DMRT1: variants seen among roughly 807,000 people sequenced by gnomAD.
The protein encoded by DMRT1 is doublesex and mab-3 related transcription factor 1.
A neutral mutation model predicts 32.3 loss-of-function variants in DMRT1; 7 were observed. That is an observed-to-expected ratio of 0.22 (90% CI 0.12 to 0.41). DMRT1 has a LOEUF of 0.41. DMRT1 is among the 10% of genes least tolerant of loss of function. The probability of loss-of-function intolerance (pLI) is 1.00; values close to 1 mark genes in which losing one functional copy is unlikely to be tolerated. For missense variants in DMRT1, 625 were observed against 500.5 expected, an observed-to-expected ratio of 1.25 and a Z score of -2.37; for synonymous variants, 278 against 206.1, an observed-to-expected ratio of 1.35 and a Z score of -2.99.
At chr9:958,645 G>A (rs1380087217) in intron 4 of DMRT1, among the ~76,000 whole-genome samples, 1 of 152,198 alleles carries the variant, frequency 6.6e-6, no homozygotes, top group Non-Finnish European at 1.5e-5. Context: ...GGGGGTTACA[G>A]GCGTGAGCCA....
chr9:889,808 G>T (rs1271043487), intron 2 of DMRT1, among the ~76,000 whole-genome samples: 2 of 152,138 alleles, frequency 1.3e-5, no homozygotes, highest in African/African-American at 2.4e-5. Context: ...TGAAAGGCAG[G>T]CCTTAAGTGG....
At chr9:849,147 G>A (rs1250892030) in intron 2 of DMRT1, among the ~76,000 whole-genome samples, 1 of 151,988 alleles carries the variant, frequency 6.6e-6, no homozygotes, top group African/African-American at 2.4e-5. Context: ...CTTAGTAAAT[G>A]GTAAGGAGAC....
chr9:942,431 A>G (rs1250084640), intron 4 of DMRT1, among the ~76,000 whole-genome samples: 11 of 151,934 alleles, frequency 7.2e-5, no homozygotes. Flanking sequence ...GTGCCACCAC[A>G]CCCAGCTAAT....
intron 2 of DMRT1, among the ~76,000 whole-genome samples, chr9:893,418 G>A (rs1333034777): frequency 6.6e-6 from 1 of 152,214 alleles, no homozygotes; most frequent in Non-Finnish European, 1.5e-5. Context: ...CCCCTGGTCC[G>A]CACCTTTGGC....
intron 2 of DMRT1, among the ~76,000 whole-genome samples, chr9:867,423 T>G (rs1477000478): frequency 2.0e-5 from 3 of 152,244 alleles, no homozygotes; most frequent in African/African-American, 7.2e-5. Flanking sequence ...TCTCAACTCT[T>G]TGGCATTATG....
chr9:930,298 CTCCTTGGCTCAAGTCATCTGAAT>C (rs371388104), intron 4 of DMRT1, among the ~76,000 whole-genome samples: 6,922 of 152,134 alleles, frequency 0.045, 392 homozygotes, highest in African/African-American at 0.14. Flanking sequence ...TAGCCTTGAA[CTCCTTGGCTCAAGTCATCTGAAT>C]TCCTTGGCTC....
rs1454978876 is a variant in DMRT1 at position 842,198 on chromosome 9, T to G, written c.354+6T>G. On this transcript the variant is annotated splice_donor_region_variant and intron_variant, in intron 1 of 4. Transcript: ENST00000382276. ...AGCGCGTGATGGCCGCGCAGGTGGG[T>G]GCGGGCGTGCGGGAGCCCGGGTTCA... The G allele has an allele frequency of 6.6e-7, 1 of 1,522,258 alleles. No individual in the cohort carries two copies. Among genetic ancestry groups the G allele is most frequent in the Non-Finnish European group, 8.8e-7 (1 of 1,140,118 alleles). 94.3% of individuals were successfully genotyped at this position (1,522,258 alleles called of 1,614,324 possible).
intron 1 of DMRT1, among the ~76,000 whole-genome samples, chr9:845,769 G>C (rs926482906): frequency 8.6e-6 from 1 of 116,336 alleles, no homozygotes; most frequent in Admixed American, 8.1e-5. Context: ...TTCCTAAGCA[G>C]ACCCTGCCTG....
In DMRT1 at chr9:968,255, GGTTTATATTCCTTAGAGTTTA is replaced by G. The variant is rs1473027909; in HGVS notation, c.*119_*139del. 1.9e-5 allele frequency: 25 copies of G among 1,318,136 alleles called. No individual in the cohort carries two copies. Among genetic ancestry groups the G allele is most frequent in the Admixed American group, 3.9e-5 (2 of 50,680 alleles). The allele number at this position is 1,318,136 out of a possible 1,614,324, so 81.7% of individuals were successfully genotyped here. The stretch of plus-strand genomic sequence containing the variant: ...TATCTTAACTGTTGAGAACGTATTT[GGTTTATATTCCTTAGAGTTTA>G]GTCCAGAGGCTGTAACACATTTGTA... On this transcript the variant is annotated 3_prime_UTR_variant, in exon 5 of 5. Coordinates refer to ENST00000382276, the MANE Select transcript of DMRT1 (RefSeq NM_021951.3).
intron 2 of DMRT1, among the ~76,000 whole-genome samples, chr9:864,093 C>A (rs1015557038): frequency 6.6e-6 from 1 of 152,136 alleles, no homozygotes; most frequent in African/African-American, 2.4e-5. Flanking sequence ...AGCAGAGAAG[C>A]CTGTAACTTT....
chr9:945,624 A>G (rs987134520), intron 4 of DMRT1, among the ~76,000 whole-genome samples: 1 of 152,122 alleles, frequency 6.6e-6, no homozygotes, highest in Non-Finnish European at 1.5e-5. Context: ...TTTTCAGAAC[A>G]TGTTTCTCAA....
At chr9:894,670 A>G (rs1817283059) in intron 3 of DMRT1, 1 of 264,206 alleles carries the variant, frequency 3.8e-6, no homozygotes. Context: ...CTTGGGAAGG[A>G]AACAGGTCAT....
chr9:872,543 A>G (rs1816318094), intron 2 of DMRT1, among the ~76,000 whole-genome samples: 2 of 151,888 alleles, frequency 1.3e-5, no homozygotes, highest in African/African-American at 2.4e-5. Flanking sequence ...AGGTTTGCCT[A>G]TTCCAGACAT....
At chr9:930,146 C>T (rs1208666324) in intron 4 of DMRT1, among the ~76,000 whole-genome samples, 1 of 152,130 alleles carries the variant, frequency 6.6e-6, no homozygotes, top group Admixed American at 6.5e-5. Context: ...AAATACGGAG[C>T]CTTTTCCAGG....
intron 2 of DMRT1, among the ~76,000 whole-genome samples, chr9:870,968 A>G (rs934275133): frequency 6.6e-6 from 1 of 151,360 alleles, no homozygotes; most frequent in African/African-American, 2.4e-5. Flanking sequence ...CCTGACACCC[A>G]AAGTGCGGGG....
chr9:845,193 T>G (rs928113271), intron 1 of DMRT1, among the ~76,000 whole-genome samples: 1 of 152,086 alleles, frequency 6.6e-6, no homozygotes, highest in Non-Finnish European at 1.5e-5. Context: ...TTAAACCTGT[T>G]TTTTCAATCT....
intron 3 of DMRT1, among the ~76,000 whole-genome samples, chr9:914,060 G>A (rs565890680): frequency 5.3e-5 from 8 of 152,258 alleles, no homozygotes; most frequent in African/African-American, 1.9e-4. Context: ...CCATTCATAT[G>A]CGCATTGAGA....
chr9:919,707 T>C (rs904483423), intron 4 of DMRT1, among the ~76,000 whole-genome samples: 3 of 152,184 alleles, frequency 2.0e-5, no homozygotes, highest in Non-Finnish European at 4.4e-5. Flanking sequence ...TGTTTTCTTA[T>C]AGACTATAGG....
At position 938,275 on chromosome 9, in the gene DMRT1, T is replaced by C. The variant is rs539737175; in HGVS notation, c.967+21368T>C. 3.3e-5 allele frequency among the ~76,000 whole-genome samples: 5 copies of C among 152,322 alleles called. No homozygotes were observed. In the South Asian group the frequency reaches 1.0e-3, roughly 32 times the overall value. ...ATTTGATGTGCCTTGGAATTCCATA[T>C]GAATTTTACAATGGGTTTTTCTATT... On this transcript the variant is annotated intron_variant, in intron 4 of 4. Transcript: ENST00000382276.
Sources: gnomAD v4.1 joint callset for allele counts (sites outside exome capture counted in the v4.1 genomes callset) on GRCh38, gnomAD v4.1.1 for gene constraint, MANE v1.5 for transcripts, NCBI Gene and HGNC (gene_info 2026-07-23, HGNC 2026-07-21) for gene names.